IGSF11: variants seen among roughly 807,000 people sequenced by gnomAD.
IGSF11 encodes the protein immunoglobulin superfamily member 11.
In IGSF11, 22 loss-of-function variants were observed where a neutral mutation model predicts 41.0. The observed-to-expected ratio is 0.54, with a 90% confidence interval of 0.38 to 0.77. The LOEUF (loss-of-function observed/expected upper bound fraction) is 0.77. IGSF11 is among the 30% of genes least tolerant of loss of function. The pLI is 0.00. For missense variants in IGSF11, 444 were observed against 530.8 expected, an observed-to-expected ratio of 0.84 and a Z score of 1.61; for synonymous variants, 219 against 201.3, an observed-to-expected ratio of 1.09 and a Z score of -0.74.
intron 1 of IGSF11, among the ~76,000 whole-genome samples, chr3:119,017,886 G>A (rs893511171): frequency 3.3e-5 from 5 of 150,116 alleles, no homozygotes; most frequent in Admixed American, 6.7e-5. Flanking sequence ...GGGTTCAGGC[G>A]GTTCTCCTGC....
At chr3:119,144,158 C>T (rs1240722949) in intron 1 of IGSF11, among the ~76,000 whole-genome samples, 2 of 152,136 alleles carry the variant, frequency 1.3e-5, no homozygotes, top group African/African-American at 2.4e-5. Flanking sequence ...TCAAGCAATC[C>T]TCCCACCTCA....
chr3:119,055,907 T>C (rs1049947882), intron 1 of IGSF11, among the ~76,000 whole-genome samples: 21 of 152,162 alleles, frequency 1.4e-4, no homozygotes, highest in Admixed American at 8.5e-4. Context: ...GAAATAAAGA[T>C]GGTCTTTGAA....
In IGSF11 at chr3:119,121,187, T is replaced by A. The variant is rs547141590; in HGVS notation, c.-13-15982A>T. Among the ~76,000 whole-genome samples, 3 of 152,248 alleles carry A rather than the reference T, an allele frequency of 2.0e-5. No homozygotes were observed. In the South Asian group the frequency reaches 6.2e-4, roughly 32 times the overall value. ...GAAAAAAACAGGAAAATATCACATG[T>A]ACATTGAAAAAAGCAACTAATAGAA... is the stretch of plus-strand genomic sequence containing the variant. On this transcript the variant is annotated intron_variant, in intron 1 of 7. Transcript: ENST00000425327.
intron 1 of IGSF11, among the ~76,000 whole-genome samples, chr3:118,986,174 T>C (rs1354901126): frequency 6.6e-6 from 1 of 152,172 alleles, no homozygotes; most frequent in Non-Finnish European, 1.5e-5. Context: ...TCCATTGCTT[T>C]ACCTCCCTGA....
chr3:118,987,785 A>G (rs552707378), intron 1 of IGSF11, among the ~76,000 whole-genome samples: 1 of 152,350 alleles, frequency 6.6e-6, no homozygotes, highest in African/African-American at 2.4e-5. Flanking sequence ...CCAGAAGCCA[A>G]GAAGGCACAG....
At chr3:119,091,987 T>C (rs1409646717) in intron 1 of IGSF11, among the ~76,000 whole-genome samples, 1 of 81,072 alleles carries the variant, frequency 1.2e-5, no homozygotes, top group African/African-American at 4.7e-5. Context: ...TGGTTTTTGG[T>C]TTTTTTGGGG....
chr3:118,921,355 CA>C (rs1049271079), intron 4 of IGSF11, among the ~76,000 whole-genome samples: 18 of 151,870 alleles, frequency 1.2e-4, no homozygotes, highest in Admixed American at 7.9e-4. Flanking sequence ...ATGCAAGTTA[CA>C]AAAGGTTAGA....
Position 118,902,558 on chromosome 3 carries a change from T to C in IGSF11, c.1258A>G (p.Met420Val), listed in dbSNP as rs1177737212. 1.3e-6 allele frequency: 2 copies of C among 1,519,926 alleles called. No homozygotes were observed. The highest frequency in any genetic ancestry group is 2.2e-5 in the South Asian group (2 of 89,836). The allele number at this position is 1,519,926 out of a possible 1,614,324, so 94.2% of individuals were successfully genotyped here. ...TLERIGAVPV[M>V]VPAQSRAGSL... is the part of the protein sequence containing the mutation. ...CCGGCCCGACTCTGGGCTGGTACCA[T>C]GACAGGTACTGCACCAATTCGTTCC... Residue 420 changes from methionine to valine, a missense_variant, in exon 7 of 7, where the codon ATG becomes GTG. This residue lies in a region of IGSF11 where 223 missense variants were observed against 226.2 expected (regional missense o/e 0.99). Coordinates refer to ENST00000393775, the MANE Select transcript of IGSF11 (RefSeq NM_001015887.3).
chr3:119,134,320 C>T (rs528842501), intron 1 of IGSF11, among the ~76,000 whole-genome samples: 1 of 152,246 alleles, frequency 6.6e-6, no homozygotes, highest in South Asian at 2.1e-4. Context: ...AAAACCCCAT[C>T]GTCTCAGCCC....
intron 4 of IGSF11, among the ~76,000 whole-genome samples, chr3:118,912,250 C>T (rs1055611090): frequency 6.6e-6 from 1 of 152,048 alleles, no homozygotes; most frequent in African/African-American, 2.4e-5. Flanking sequence ...TTCTAATTAT[C>T]CCTCAGCTTT....
intron 1 of IGSF11, among the ~76,000 whole-genome samples, chr3:119,131,962 G>A (rs1381794395): frequency 6.6e-6 from 1 of 152,116 alleles, no homozygotes; most frequent in Non-Finnish European, 1.5e-5. Context: ...AGCTTCATAA[G>A]TGAAGGAGAA....
intron 1 of IGSF11, among the ~76,000 whole-genome samples, chr3:119,057,092 T>A (rs1941871606): frequency 6.6e-6 from 1 of 152,160 alleles, no homozygotes; most frequent in Non-Finnish European, 1.5e-5. Context: ...TCACCACTCC[T>A]ATTCAACATA....
At chr3:118,916,336 A>T (rs1316141756) in intron 4 of IGSF11, among the ~76,000 whole-genome samples, 1 of 152,188 alleles carries the variant, frequency 6.6e-6, no homozygotes, top group Non-Finnish European at 1.5e-5. Flanking sequence ...GTCAAGACCC[A>T]TCAGTGTGCT....
At chr3:119,001,673 C>T (rs2107672135) in intron 1 of IGSF11, among the ~76,000 whole-genome samples, 1 of 142,414 alleles carries the variant, frequency 7.0e-6, no homozygotes, top group Non-Finnish European at 1.5e-5. Context: ...TTCCTGTGTC[C>T]ATGTGATCTC....
chr3:119,131,165 T>G (rs1372333165), intron 1 of IGSF11, among the ~76,000 whole-genome samples: 1 of 152,174 alleles, frequency 6.6e-6, no homozygotes, highest in African/African-American at 2.4e-5. Flanking sequence ...TCGCAGCTCC[T>G]TGCCAGCAAC....
At chr3:119,050,692 C>G (rs1313480716) in intron 1 of IGSF11, among the ~76,000 whole-genome samples, 1 of 152,022 alleles carries the variant, frequency 6.6e-6, no homozygotes, top group Non-Finnish European at 1.5e-5. Flanking sequence ...AAGACACATG[C>G]ACACGTATGT....
intron 1 of IGSF11, among the ~76,000 whole-genome samples, chr3:119,004,134 T>C (rs543252799): frequency 6.7e-6 from 1 of 149,186 alleles, no homozygotes; most frequent in Non-Finnish European, 1.5e-5. Context: ...ATTGCCACAA[T>C]TTCAGCTCCT....
intron 1 of IGSF11, among the ~76,000 whole-genome samples, chr3:118,984,729 CA>C (rs1407280792): frequency 6.6e-6 from 1 of 152,016 alleles, no homozygotes; most frequent in Non-Finnish European, 1.5e-5. Flanking sequence ...CAAGAACATC[CA>C]AGAATATGAT....
chr3:119,129,428 G>A (rs1326090969), intron 1 of IGSF11, among the ~76,000 whole-genome samples: 6 of 151,748 alleles, frequency 4.0e-5, no homozygotes. Context: ...ACTAAAAGAT[G>A]AACAAATCAA....
Sources: allele counts gnomAD v4.1 joint callset (sites outside exome capture counted in the v4.1 genomes callset), GRCh38; gene constraint gnomAD v4.1.1; regional missense constraint gnomAD v4.1.1; transcripts MANE v1.5; gene names NCBI Gene and HGNC (gene_info 2026-07-23, HGNC 2026-07-21).